Variants in ANO4 observed in about 807,000 individuals in gnomAD.
ANO4 encodes anoctamin-4.
A neutral mutation model predicts 141.9 loss-of-function variants in ANO4; 69 were observed. The observed-to-expected ratio is 0.49, with a 90% CI of 0.40 to 0.59. The LOEUF is 0.59. ANO4 is among the 20% of genes least tolerant of loss of function. ANO4 has a pLI of 0.00. For synonymous variants in ANO4, 350 were observed against 394.3 expected (o/e 0.89, Z 1.33); for missense variants, 894 against 1,162.2 (o/e 0.77, Z 3.36).
intron 3 of ANO4, among the ~76,000 whole-genome samples, chr12:100,785,223 C>T (rs528455441): frequency 9.2e-5 from 14 of 152,236 alleles, no homozygotes; most frequent in East Asian, 7.7e-4. Flanking sequence ...TTGTTACAAC[C>T]AATGAACTTA....
intron 1 of ANO4, among the ~76,000 whole-genome samples, chr12:100,831,121 A>G (rs2135773117): frequency 1.3e-5 from 2 of 152,264 alleles, no homozygotes; most frequent in South Asian, 4.1e-4. Flanking sequence ...TATTGATAAA[A>G]GTACTTGATA....
At chr12:100,956,137 C>T (rs892554849) in intron 5 of ANO4, among the ~76,000 whole-genome samples, 1 of 152,168 alleles carries the variant, frequency 6.6e-6, no homozygotes, top group African/African-American at 2.4e-5. Flanking sequence ...AACCAAATAT[C>T]ATTTAGCCTC....
intron 1 of ANO4, among the ~76,000 whole-genome samples, chr12:100,868,143 T>G (rs956882150): frequency 2.6e-5 from 4 of 152,126 alleles, no homozygotes; most frequent in African/African-American, 2.4e-5. Flanking sequence ...GCCTGAGCCT[T>G]TCTTTCTTCA....
At chr12:100,968,730 G>A (rs1213848642) in intron 5 of ANO4, among the ~76,000 whole-genome samples, 5 of 152,092 alleles carry the variant, frequency 3.3e-5, no homozygotes, top group South Asian at 2.1e-4. Flanking sequence ...AAAAGCAAGC[G>A]GCAATCTTTT....
At chr12:100,857,289 A>G (rs2038225138) in intron 1 of ANO4, among the ~76,000 whole-genome samples, 1 of 152,178 alleles carries the variant, frequency 6.6e-6, no homozygotes, top group Non-Finnish European at 1.5e-5. Context: ...TCAAATGTAC[A>G]ACAGACAAAG....
intron 5 of ANO4, among the ~76,000 whole-genome samples, chr12:100,955,879 G>C (rs1022268219): frequency 5.3e-5 from 8 of 152,176 alleles, no homozygotes; most frequent in African/African-American, 1.9e-4. Context: ...GATAGACTTT[G>C]AATTGAGGCC....
At chr12:100,937,611 CTATAA>C (rs1403867123) in intron 3 of ANO4, among the ~76,000 whole-genome samples, 1 of 152,058 alleles carries the variant, frequency 6.6e-6, no homozygotes, top group African/African-American at 2.4e-5. Context: ...GTCTAAAATC[CTATAA>C]TATATTGTTT....
At chr12:100,825,814 T>C (rs1458369006) in intron 1 of ANO4, among the ~76,000 whole-genome samples, 1 of 152,124 alleles carries the variant, frequency 6.6e-6, no homozygotes, top group Non-Finnish European at 1.5e-5. Flanking sequence ...TTATGTGATT[T>C]TGGGTTTTCA....
At chr12:100,844,353 G>T (rs77046775) in intron 1 of ANO4, among the ~76,000 whole-genome samples, 2,138 of 152,064 alleles carry the variant, frequency 0.014, 40 homozygotes, top group Non-Finnish European at 0.018. Context: ...TTTAGAGGTT[G>T]CAAGCAGGAG....
chr12:100,975,920 C>T (rs1446422579), intron 7 of ANO4, among the ~76,000 whole-genome samples: 1 of 133,774 alleles, frequency 7.5e-6, no homozygotes. Flanking sequence ...CCTTCCTACC[C>T]TCTTTTCTGC....
chr12:100,831,144 A>T (rs1467601649), intron 1 of ANO4, among the ~76,000 whole-genome samples: 1 of 152,138 alleles, frequency 6.6e-6, no homozygotes, highest in African/African-American at 2.4e-5. Flanking sequence ...AAATGCTGTG[A>T]CATTTAAAAT....
chr12:100,962,819 G>A (rs546282660), intron 5 of ANO4, among the ~76,000 whole-genome samples: 5 of 152,222 alleles, frequency 3.3e-5, no homozygotes, highest in South Asian at 4.2e-4. Context: ...CCCAATCCAC[G>A]CTGCAATGGA....
intron 22 of ANO4, among the ~76,000 whole-genome samples, chr12:101,108,695 A>G (rs575626545): frequency 5.9e-5 from 9 of 152,184 alleles, no homozygotes; most frequent in African/African-American, 2.2e-4. Context: ...ACAGCCAAAT[A>G]CTTTTTGTCC....
chr12:100,854,022 G>A (rs112910268), intron 1 of ANO4, among the ~76,000 whole-genome samples: 2,736 of 152,070 alleles, frequency 0.018, 26 homozygotes, highest in Middle Eastern at 0.051. Flanking sequence ...TGTTCCTTCC[G>A]GATTCTGTCT....
At chr12:101,089,659 T>C (rs1218301109) in intron 17 of ANO4, among the ~76,000 whole-genome samples, 1 of 152,210 alleles carries the variant, frequency 6.6e-6, no homozygotes, top group Non-Finnish European at 1.5e-5. Flanking sequence ...ATACATCTTC[T>C]TAACAAATAA....
chr12:101,040,153 A>G, intron 11 of ANO4, 77 bp downstream of exon 11: 1 of 1,491,870 alleles, frequency 6.7e-7, no homozygotes, highest in South Asian at 1.4e-5. Flanking sequence ...ACAAGCTCCC[A>G]ATGAAGCAAA....
intron 3 of ANO4, among the ~76,000 whole-genome samples, chr12:100,924,413 G>A (rs2041776574): frequency 6.6e-6 from 1 of 152,090 alleles, no homozygotes; most frequent in African/African-American, 2.4e-5. Context: ...CTGCAATGAT[G>A]GCTGTTTGTT....
rs1566239763 is a variant in ANO4, at chr12:101,094,344, TGG to T, written c.1738+53_1738+54del. On this transcript the variant is annotated intron_variant, in intron 18 of 27. Transcript: ENST00000392977. ...GAACTGTACTGTGGGCTAGAGAGTA[TGG>T]TTCAAAGATTCCTTTCTCTAATACT... 4 of 1,436,570 alleles carry T rather than the reference TGG, an allele frequency of 2.8e-6. No individual in the cohort carries two copies. In the African/African-American group the frequency reaches 5.7e-5, roughly 21 times the overall value. 89.0% of individuals were successfully genotyped at this position (1,436,570 alleles called of 1,614,324 possible). A position where few individuals can be genotyped will look rare whatever the true frequency, so the allele number is the denominator to read the frequency against.
At chr12:100,822,218 C>A (rs1453298320) in intron 1 of ANO4, among the ~76,000 whole-genome samples, 5 of 152,004 alleles carry the variant, frequency 3.3e-5, no homozygotes, top group Admixed American at 3.3e-4. Context: ...TCAGCAAAGG[C>A]CTGTGCTTCC....
Sources: allele counts gnomAD v4.1 joint callset (sites outside exome capture counted in the v4.1 genomes callset), GRCh38; gene constraint gnomAD v4.1.1; transcripts MANE v1.5; gene names NCBI Gene and HGNC (gene_info 2026-07-23, HGNC 2026-07-21).